FOXN2: variants seen among roughly 807,000 people sequenced by gnomAD.
The protein encoded by FOXN2 is forkhead box protein N2.
Under a neutral mutation model 41.2 loss-of-function variants are expected in FOXN2, and 19 were observed. The ratio of observed to expected loss-of-function variants is 0.46; its 90% CI spans 0.32 to 0.68. The LOEUF is 0.68. FOXN2 is among the 30% of genes least tolerant of loss of function. The pLI is 0.03. For synonymous variants in FOXN2, 195 were observed against 176.8 expected (o/e 1.10, Z -0.82); for missense variants, 587 against 509.4 (o/e 1.15, Z -1.47).
intron 1 of FOXN2, among the ~76,000 whole-genome samples, chr2:48,315,458 C>A (rs1194395127): frequency 1.3e-5 from 2 of 152,192 alleles, no homozygotes; most frequent in African/African-American, 4.8e-5. Context: ...GAGGGGGCCT[C>A]AGAGGGTGGC....
At position 48,375,192 on chromosome 2, in the gene FOXN2, A is replaced by AGTG; in HGVS notation, c.1046_1048dup (p.Ser349_Glu350insGly). The AGTG allele has an allele frequency of 6.2e-7, 1 of 1,614,194 alleles. No homozygotes were observed. Among genetic ancestry groups the AGTG allele is most frequent in the Non-Finnish European group, 8.5e-7 (1 of 1,180,006 alleles). ...AAGTGATGGCAGTGAAGGATTTCAC[A>AGTG]GTGAAGAAGATACAGACGTTGATTA... On this transcript the variant is annotated inframe_insertion, in exon 7 of 7. Coordinates refer to ENST00000340553, the MANE Select transcript of FOXN2 (RefSeq NM_002158.4).
chr2:48,336,581 A>T (rs1670377753), intron 2 of FOXN2, among the ~76,000 whole-genome samples: 1 of 151,924 alleles, frequency 6.6e-6, no homozygotes, highest in African/African-American at 2.4e-5. Flanking sequence ...CTAGTAGAGG[A>T]TTAAAAAAAA....
At chr2:48,331,350 A>G (rs929583480) in intron 2 of FOXN2, among the ~76,000 whole-genome samples, 1 of 150,756 alleles carries the variant, frequency 6.6e-6, no homozygotes, top group African/African-American at 2.4e-5. Flanking sequence ...GAACTATAGT[A>G]TAGGTAAGAT....
chr2:48,335,608 A>C (rs1041720438), intron 2 of FOXN2, among the ~76,000 whole-genome samples: 1 of 152,244 alleles, frequency 6.6e-6, no homozygotes, highest in Admixed American at 6.5e-5. Flanking sequence ...CTATTTTTTA[A>C]GCAGAAGTAA....
At chr2:48,314,157 T>A (rs1439718116), upstream of FOXN2, among the ~76,000 whole-genome samples, 1 of 152,254 alleles carries the variant, frequency 6.6e-6, no homozygotes, top group Non-Finnish European at 1.5e-5. Flanking sequence ...GCGGAAGGTC[T>A]TGCGGAAACC....
intron 5 of FOXN2, among the ~76,000 whole-genome samples, chr2:48,363,226 A>C (rs1458141038): frequency 1.3e-5 from 2 of 152,152 alleles, no homozygotes; most frequent in African/African-American, 4.8e-5. Flanking sequence ...GCTCAGGTTA[A>C]TGTGTGTATT....
rs548924246 is a variant in FOXN2 at position 48,352,516 on chromosome 2, A to G, written c.537+5765A>G. Among the ~76,000 whole-genome samples, 4 of 152,272 alleles carry G rather than the reference A, an allele frequency of 2.6e-5. No homozygotes were observed. The East Asian group carries it at 7.7e-4, about 29-fold the overall frequency. ...GTTGATTTAGTATTTTCTTAATCTC[A>G]TTAATTCCCATGGCTTAATATGTCG... On this transcript the variant is annotated intron_variant, in intron 3 of 6. Coordinates refer to ENST00000340553, the MANE Select transcript of FOXN2 (RefSeq NM_002158.4).
chr2:48,331,975 A>ATC (rs1670047047), intron 2 of FOXN2, among the ~76,000 whole-genome samples: 1 of 152,122 alleles, frequency 6.6e-6, no homozygotes, highest in African/African-American at 2.4e-5. Flanking sequence ...TTTTTCTCAG[A>ATC]TCTACCGCAT....
chr2:48,317,990 G>A (rs1227358389), intron 1 of FOXN2, among the ~76,000 whole-genome samples: 1 of 152,084 alleles, frequency 6.6e-6, no homozygotes, highest in Non-Finnish European at 1.5e-5. Context: ...GGGATCAAAA[G>A]AATGTTTATT....
intron 3 of FOXN2, among the ~76,000 whole-genome samples, chr2:48,349,062 A>G (rs1461530353): frequency 6.6e-6 from 1 of 152,156 alleles, no homozygotes; most frequent in African/African-American, 2.4e-5. Context: ...CCATCTACTC[A>G]ATATAGAGTC....
intron 1 of FOXN2, among the ~76,000 whole-genome samples, chr2:48,317,678 G>A (rs1282102531): frequency 1.6e-5 from 2 of 124,268 alleles, no homozygotes; most frequent in African/African-American, 3.1e-5. Flanking sequence ...CGCTATCTTG[G>A]CTCACTGCAA....
At chr2:48,364,222 T>A (rs938653383) in intron 5 of FOXN2, among the ~76,000 whole-genome samples, 39 of 152,000 alleles carry the variant, frequency 2.6e-4, no homozygotes, top group Non-Finnish European at 1.6e-4. Flanking sequence ...AATATTTTAT[T>A]TTTATTTATT....
Position 48,375,347 on chromosome 2 carries a change from A to G in FOXN2, c.1200A>G (p.Ala400=), listed in dbSNP as rs779009569. ...AAATTGATGAGGAGCTCAAAGAGGC[A>G]GCTGGATCTCTGCTCCACCTTGCTG... The part of the protein sequence containing the change: ...CQEIDEELKE[A]AGSLLHLAGI... Residue 400 remains alanine (A), a synonymous_variant, in exon 7 of 7, where the codon GCA becomes GCG. Coordinates refer to ENST00000340553, the MANE Select transcript of FOXN2 (RefSeq NM_002158.4). 1 of 1,613,740 alleles carries G rather than the reference A, an allele frequency of 6.2e-7. No individual in the cohort carries two copies. The highest frequency in any genetic ancestry group is 8.5e-7 in the Non-Finnish European group (1 of 1,179,878).
intron 2 of FOXN2, among the ~76,000 whole-genome samples, chr2:48,336,035 A>T (rs1005877821): frequency 6.7e-6 from 1 of 149,116 alleles, no homozygotes; most frequent in African/African-American, 2.5e-5. Context: ...CTCAAAAAAA[A>T]AAAAAATAAT....
rs751958598 is a variant in FOXN2 at position 48,347,220 on chromosome 2, C to CTTTTT, written c.537+489_537+493dup. 7.9e-3 allele frequency among the ~76,000 whole-genome samples: 598 copies of CTTTTT among 75,766 alleles called. 10 individuals carry two copies. Among genetic ancestry groups the CTTTTT allele is most frequent in the Middle Eastern group, 0.014 (1 of 70 alleles). 49.7% of individuals were successfully genotyped at this position (75,766 alleles called of 152,430 possible). A position where few individuals can be genotyped will look rare whatever the true frequency, so the allele number is the denominator to read the frequency against. On this transcript the variant is annotated intron_variant, in intron 3 of 6. Transcript: ENST00000340553. ...CACTTTTGGTTTTGGTGTTTTGGTGCTTTTTTTTTTTTTTTTTTTTTTTTG... is the reference window on the plus strand; with the variant it reads ...CACTTTTGGTTTTGGTGTTTTGGTGCTTTTTTTTTTTTTTTTTTTTTTTTTTTTTG...
intron 2 of FOXN2, among the ~76,000 whole-genome samples, chr2:48,342,384 C>T (rs1468780244): frequency 1.3e-5 from 2 of 149,018 alleles, no homozygotes; most frequent in African/African-American, 2.5e-5. Flanking sequence ...CTCCACACAT[C>T]GTGGGTTGGG....
intron 2 of FOXN2, among the ~76,000 whole-genome samples, chr2:48,332,120 C>G (rs1277738052): frequency 6.6e-6 from 1 of 152,058 alleles, no homozygotes; most frequent in Admixed American, 6.5e-5. Flanking sequence ...ATTTATATTC[C>G]TGTCCTGTTT....
At chr2:48,315,879 T>C (rs1254471635) in intron 1 of FOXN2, among the ~76,000 whole-genome samples, 4 of 152,172 alleles carry the variant, frequency 2.6e-5, no homozygotes, top group African/African-American at 9.7e-5. Context: ...TTCTCCCTAC[T>C]GGGAAAAAAG....
At chr2:48,348,988 G>A (rs1035638921) in intron 3 of FOXN2, among the ~76,000 whole-genome samples, 6 of 152,146 alleles carry the variant, frequency 3.9e-5, no homozygotes, top group Non-Finnish European at 8.8e-5. Context: ...TCTTAAACAG[G>A]TTCTGCATGC....
Sources: allele counts gnomAD v4.1 joint callset (sites outside exome capture counted in the v4.1 genomes callset), GRCh38; gene constraint gnomAD v4.1.1; transcripts MANE v1.5; gene names NCBI Gene and HGNC (gene_info 2026-07-23, HGNC 2026-07-21).